OCIAD1: variants seen among roughly 807,000 people sequenced by gnomAD.
The protein encoded by OCIAD1 is OCIA domain containing 1.
In OCIAD1, 29 loss-of-function variants were observed where a neutral mutation model predicts 38.9. That is an observed-to-expected ratio of 0.74 (90% CI 0.55 to 1.02). The LOEUF (loss-of-function observed/expected upper bound fraction) is 1.02, where lower values mean the gene tolerates loss of function less well. Ranked by LOEUF, OCIAD1 falls within the 50% of genes least tolerant of loss-of-function variation. OCIAD1 has a pLI of 0.00. For synonymous variants in OCIAD1, 110 were observed against 92.0 expected, an observed-to-expected ratio of 1.20 and a Z score of -1.12; for missense variants, 288 against 289.6, an observed-to-expected ratio of 0.99 and a Z score of 0.04.
chr4:48,822,567 T>G (rs1051106529), intron 1 of OCIAD1, among the ~76,000 whole-genome samples: 67 of 152,140 alleles, frequency 4.4e-4, no homozygotes, highest in Non-Finnish European at 5.6e-4. Flanking sequence ...ACTGAAGAGC[T>G]TCTGCACAGC....
At chr4:48,822,930 A>C (rs1185280234) in intron 1 of OCIAD1, among the ~76,000 whole-genome samples, 2 of 152,214 alleles carry the variant, frequency 1.3e-5, no homozygotes, top group Non-Finnish European at 2.9e-5. Context: ...GAACGCTTTT[A>C]CACTGTTGGT....
At chr4:48,831,967 A>G (rs1256827260) in intron 1 of OCIAD1, among the ~76,000 whole-genome samples, 1 of 152,196 alleles carries the variant, frequency 6.6e-6, no homozygotes, top group Non-Finnish European at 1.5e-5. Context: ...CTGAGTCCCA[A>G]TATATGAGTT....
intron 3 of OCIAD1, among the ~76,000 whole-genome samples, chr4:48,840,748 G>C (rs532875039): frequency 5.3e-5 from 8 of 150,952 alleles, no homozygotes; most frequent in Non-Finnish European, 1.2e-4. Flanking sequence ...TGTAATCCCA[G>C]CACTTTGGGA....
At chr4:48,830,982 G>C (rs1394643516), upstream of OCIAD1, 1 of 162,352 alleles carries the variant, frequency 6.2e-6, no homozygotes, top group Non-Finnish European at 1.4e-5. Context: ...AAAGGGACGA[G>C]TATACGCATG....
chr4:48,857,204 T>A lies in OCIAD1; in HGVS notation c.548-9T>A. The A allele has an allele frequency of 6.6e-7, 1 of 1,508,484 alleles. No homozygotes were observed. Among genetic ancestry groups the A allele is most frequent in the Non-Finnish European group, 8.9e-7 (1 of 1,127,986 alleles). 93.4% of individuals were successfully genotyped at this position (1,508,484 alleles called of 1,614,324 possible). ...TTTATTACCATTTATTAACTGTTTG[T>A]TGTTTTAGGACCTGATCCCAACCTT... On this transcript the variant is annotated splice_polypyrimidine_tract_variant and intron_variant, in intron 7 of 8. Coordinates refer to ENST00000264312, the MANE Select transcript of OCIAD1 (RefSeq NM_017830.4).
At chr4:48,826,347 C>A (rs1777250483), upstream of OCIAD1, among the ~76,000 whole-genome samples, 1 of 152,098 alleles carries the variant, frequency 6.6e-6, no homozygotes, top group Admixed American at 6.5e-5. Flanking sequence ...TGTTCCCCAC[C>A]CTGTGTCCGA....
intron 1 of OCIAD1, among the ~76,000 whole-genome samples, chr4:48,809,461 G>A (rs896665233): frequency 2.0e-5 from 3 of 152,146 alleles, no homozygotes; most frequent in Non-Finnish European, 2.9e-5. Flanking sequence ...GGCAGGTGGA[G>A]GTTGCGGTGA....
rs1469399263 is a variant in OCIAD1, at chr4:48,857,293, T to C, written c.628T>C (p.Tyr210His). The change falls in exon 8 of 9, where the codon TAT (tyrosine) becomes CAT (histidine). Residue 210 changes from tyrosine to histidine, a missense_variant. Tyr to His is a moderately conservative substitution (Grantham distance 83). Transcript: ENST00000264312. ...EELRNKNRES[Y>H]EVSLTQKTDP... ...ATTAAGGAATAAGAACAGAGAGTCA[T>C]ATGAAGTATCTTTAACACAAAAGAC... The C allele has an allele frequency of 1.2e-6, 2 of 1,601,748 alleles. No individual in the cohort carries two copies. Among genetic ancestry groups the C allele is most frequent in the East Asian group, 2.3e-5 (1 of 44,382 alleles).
intron 1 of OCIAD1, among the ~76,000 whole-genome samples, chr4:48,816,178 C>A (rs1420139958): frequency 1.3e-5 from 2 of 151,050 alleles, no homozygotes; most frequent in African/African-American, 4.8e-5. Context: ...GCATTTCTCG[C>A]TCTCTCTCTG....
chr4:48,835,129 T>C (rs1777868404), intron 3 of OCIAD1, among the ~76,000 whole-genome samples: 1 of 152,156 alleles, frequency 6.6e-6, no homozygotes, highest in Admixed American at 6.5e-5. Context: ...AGACTGGGTT[T>C]CACTATGTTG....
intron 8 of OCIAD1, among the ~76,000 whole-genome samples, chr4:48,860,426 G>A (rs949714717): frequency 6.6e-6 from 1 of 150,624 alleles, no homozygotes; most frequent in Non-Finnish European, 1.5e-5. Context: ...CTCAGTTCTT[G>A]TTAGGGCTTG....
At position 48,846,035 on chromosome 4, in the gene OCIAD1, C is replaced by T. The variant is rs532969662; in HGVS notation, c.194-2364C>T. 1.4e-4 allele frequency among the ~76,000 whole-genome samples: 22 copies of T among 152,314 alleles called. No homozygotes were observed. The Middle Eastern group carries it at 0.01, about 71-fold the overall frequency. The stretch of plus-strand genomic sequence containing the variant: ...AATATTTGAGGGGATGAATAGCAAC[C>T]ATGACACTATTATCTTTGTCTTAAC... On this transcript the variant is annotated intron_variant, in intron 4 of 8. Transcript: ENST00000264312.
chr4:48,818,430 CA>C (rs1030800183), intron 1 of OCIAD1, among the ~76,000 whole-genome samples: 3 of 152,236 alleles, frequency 2.0e-5, no homozygotes, highest in East Asian at 1.9e-4. Context: ...TCATCAGCCT[CA>C]AAGATCAAAG....
chr4:48,833,417 C>T lies in OCIAD1; in HGVS notation c.75C>T (p.Tyr25=). The T allele has an allele frequency of 1.3e-6, 2 of 1,599,966 alleles. No homozygotes were observed. The highest frequency in any genetic ancestry group is 2.2e-5 in the East Asian group (1 of 44,776). ...GGTAAAAAGACATAGGGCCTGATTA[C>T]ATTCCAACAGAGGAAGAAAGGAGAG... ...PRPIPHIGPD[Y]IPTEEERRVF... Residue 25 remains tyrosine, a synonymous_variant, in exon 3 of 9, where the codon TAC becomes TAT. Transcript: ENST00000264312.
intron 1 of OCIAD1, among the ~76,000 whole-genome samples, chr4:48,822,015 G>A (rs1237202437): frequency 6.6e-6 from 1 of 152,154 alleles, no homozygotes; most frequent in Non-Finnish European, 1.5e-5. Flanking sequence ...AGCTACCAAT[G>A]ACTTTCTTCA....
intron 7 of OCIAD1, chr4:48,852,224 G>A: frequency 2.7e-6 from 1 of 367,998 alleles, no homozygotes. Context: ...AAAACTTTCA[G>A]TCTGTTAGAA....
intron 1 of OCIAD1, among the ~76,000 whole-genome samples, chr4:48,817,656 C>G (rs768337893): frequency 1.3e-5 from 2 of 152,228 alleles, no homozygotes; most frequent in Non-Finnish European, 2.9e-5. Flanking sequence ...TCCATGGAGC[C>G]GAGCAAGCTA....
At chr4:48,806,709 G>A (rs1259776351) in intron 1 of OCIAD1, among the ~76,000 whole-genome samples, 12 of 152,020 alleles carry the variant, frequency 7.9e-5, no homozygotes, top group Admixed American at 2.6e-4. Context: ...AGGTTCAAGC[G>A]ATTCTCCTGC....
intron 1 of OCIAD1, among the ~76,000 whole-genome samples, chr4:48,812,729 A>G (rs777959906): frequency 1.6e-4 from 25 of 152,250 alleles, no homozygotes; most frequent in Non-Finnish European, 2.9e-5. Flanking sequence ...AATTGGACAC[A>G]GGAAGTAGAG....
Sources: gnomAD v4.1 joint callset for allele counts (sites outside exome capture counted in the v4.1 genomes callset) on GRCh38, gnomAD v4.1.1 for gene constraint, MANE v1.5 for transcripts, NCBI Gene and HGNC (gene_info 2026-07-23, HGNC 2026-07-21) for gene names.